Variants in CPT1A observed in about 807,000 individuals in gnomAD.
The protein encoded by CPT1A is carnitine O-palmitoyltransferase 1, liver isoform.
A neutral mutation model predicts 100.8 loss-of-function variants in CPT1A; 64 were observed. The observed-to-expected ratio is 0.63, with a 90% confidence interval of 0.52 to 0.78. The LOEUF (loss-of-function observed/expected upper bound fraction) is 0.78, where lower values mean the gene tolerates loss of function less well. Ranked by LOEUF, CPT1A falls within the 30% of genes least tolerant of loss-of-function variation. CPT1A has a pLI of 0.00. For missense variants in CPT1A, 802 were observed against 1,034.1 expected, an observed-to-expected ratio of 0.78 and a Z score of 3.08; for synonymous variants, 363 against 396.0, an observed-to-expected ratio of 0.92 and a Z score of 0.99.
At chr11:68,836,056 A>G (rs1489468650) in intron 1 of CPT1A, among the ~76,000 whole-genome samples, 1 of 152,236 alleles carries the variant, frequency 6.6e-6, no homozygotes, top group African/African-American at 2.4e-5. Flanking sequence ...ACCCCATGCC[A>G]AATCTCAATG....
chr11:68,777,977 C>A lies in CPT1A; in HGVS notation c.1459-2545G>T, dbSNP rs112186618. ...AGGCTCTCTCAGCTTTTGTCGACATCGCCAAAGAACCCTGGTGGTGGTGAA... is the reference window on the plus strand; with the variant it reads ...AGGCTCTCTCAGCTTTTGTCGACATAGCCAAAGAACCCTGGTGGTGGTGAA... On this transcript the variant is annotated intron_variant, in intron 12 of 18. Coordinates refer to ENST00000265641, the MANE Select transcript of CPT1A (RefSeq NM_001876.4). Among the ~76,000 whole-genome samples, 766 of 152,228 alleles carry A rather than the reference C, an allele frequency of 5.0e-3. 6 individuals are homozygous for A. The highest frequency in any genetic ancestry group is 0.017 in the African/African-American group (726 of 41,540).
At chr11:68,792,962 T>A (rs1855658001) in intron 9 of CPT1A, among the ~76,000 whole-genome samples, 1 of 152,020 alleles carries the variant, frequency 6.6e-6, no homozygotes, top group African/African-American at 2.4e-5. Context: ...ATGGGAGGAT[T>A]CCTTGAGCTC....
At chr11:68,782,015 G>A in intron 10 of CPT1A, 56 bp from the exon 11 acceptor site, 1 of 1,495,844 alleles carries the variant, frequency 6.7e-7, no homozygotes, top group Non-Finnish European at 9.3e-7. Flanking sequence ...GATGGAGCGT[G>A]ATGTTTGAAA....
Position 68,817,002 on chromosome 11 carries a change from G to A in CPT1A, c.-13-1515C>T, listed in dbSNP as rs1370660029. Among the ~76,000 whole-genome samples the A allele has an allele frequency of 5.0e-4, 54 of 107,408 alleles. 4 individuals carry two copies. The allele number at this position is 107,408 out of a possible 152,430, so 70.5% of individuals were successfully genotyped here. A position where few individuals can be genotyped will look rare whatever the true frequency, so the allele number is the denominator to read the frequency against. ...GGGGGGGTGCGTGGGTGTGTGTGTG[G>A]TATGTGTGGGGGGTGGGTGTGTGTG... On this transcript the variant is annotated intron_variant, in intron 1 of 18. Transcript: ENST00000265641.
rs1946768081 is a variant in CPT1A at position 68,759,808 on chromosome 11, A to G, written c.2143-147T>C. Reference sequence around the variant, plus strand: ...TTTGGGAGGCTGAGGCAGGCGGGTCACTTGAGCCCAGGGGTTCGAGACCAG... The same window carrying G: ...TTTGGGAGGCTGAGGCAGGCGGGTCGCTTGAGCCCAGGGGTTCGAGACCAG... On this transcript the variant is annotated intron_variant, in intron 17 of 18. Coordinates refer to ENST00000265641, the MANE Select transcript of CPT1A (RefSeq NM_001876.4). The G allele has an allele frequency of 4.2e-6, 3 of 708,796 alleles. No homozygotes were observed. In the Admixed American group the frequency reaches 6.1e-5, roughly 15 times the overall value. The allele number at this position is 708,796 out of a possible 1,614,324, so 43.9% of individuals were successfully genotyped here.
At chr11:68,823,908 C>T (rs752860257) in intron 1 of CPT1A, among the ~76,000 whole-genome samples, 10 of 152,084 alleles carry the variant, frequency 6.6e-5, no homozygotes, top group Non-Finnish European at 1.5e-4. Flanking sequence ...CGCATGTTCT[C>T]ACCTATAAGT....
intron 10 of CPT1A, among the ~76,000 whole-genome samples, chr11:68,783,005 T>G (rs1040053591): frequency 7.2e-5 from 11 of 152,130 alleles, no homozygotes; most frequent in Non-Finnish European, 1.3e-4. Context: ...CCGCTGGGGA[T>G]TCCAGGCTCT....
At chr11:68,773,524 T>C in intron 13 of CPT1A, 95 bp from the exon 14 acceptor site, 1 of 1,587,372 alleles carries the variant, frequency 6.3e-7, no homozygotes, top group Non-Finnish European at 8.6e-7. Flanking sequence ...TTAGTGCAGC[T>C]ATAAACTCGG....
chr11:68,813,934 C>T (rs1397783361), intron 2 of CPT1A, among the ~76,000 whole-genome samples: 2 of 152,210 alleles, frequency 1.3e-5, no homozygotes, highest in African/African-American at 2.4e-5. Flanking sequence ...TGCAGCTGTA[C>T]TGGCTCCCAG....
chr11:68,843,934 A>G (rs965427419), upstream of CPT1A, among the ~76,000 whole-genome samples: 1 of 152,126 alleles, frequency 6.6e-6, no homozygotes, highest in African/African-American at 2.4e-5. This position sits in a 1 kb window ranked among gnomAD's most constrained non-coding sequence, Gnocchi z 4.0. Context: ...AACCTCAGCC[A>G]CCGACAGGTC....
In CPT1A at chr11:68,757,762, T is replaced by C. The variant is rs1401305087; in HGVS notation, c.2236-32A>G. ...TGTAAAAACAAAAACCAAAAACCTA[T>C]TAAAACGTGGCCATCCCCACATTTC... On this transcript the variant is annotated intron_variant, in intron 18 of 18. Transcript: ENST00000265641. 4 of 1,587,336 alleles carry C rather than the reference T, an allele frequency of 2.5e-6. No homozygotes were observed. In the South Asian group the frequency reaches 4.4e-5, roughly 18 times the overall value.
intron 4 of CPT1A, among the ~76,000 whole-genome samples, chr11:68,807,233 A>C (rs1856069127): frequency 6.6e-6 from 1 of 152,122 alleles, no homozygotes. Context: ...AACCGAGCAG[A>C]CCTCAATATA....
At chr11:68,784,466 G>A (rs1310418519) in intron 10 of CPT1A, among the ~76,000 whole-genome samples, 8 of 152,160 alleles carry the variant, frequency 5.3e-5, no homozygotes, top group African/African-American at 9.7e-5. Context: ...CCTGGGAGGC[G>A]GAGGTTGCTG....
chr11:68,789,556 C>T (rs919436565), intron 9 of CPT1A, among the ~76,000 whole-genome samples: 4 of 152,118 alleles, frequency 2.6e-5, no homozygotes, highest in African/African-American at 9.7e-5. Context: ...GCTATCACGC[C>T]TGGTTAATTT....
chr11:68,806,576 C>T (rs970745847), intron 4 of CPT1A, among the ~76,000 whole-genome samples: 6 of 150,046 alleles, frequency 4.0e-5, no homozygotes, highest in Non-Finnish European at 7.4e-5. Flanking sequence ...TGCAGTGAGC[C>T]GTGATGGTGC....
At chr11:68,781,071 T>C (rs1855297732) in intron 11 of CPT1A, among the ~76,000 whole-genome samples, 1 of 152,134 alleles carries the variant, frequency 6.6e-6, no homozygotes, top group Non-Finnish European at 1.5e-5. Context: ...AATCCTTGGC[T>C]CCACCCTGCA....
At chr11:68,776,445 A>G (rs539981121) in intron 12 of CPT1A, among the ~76,000 whole-genome samples, 1 of 152,352 alleles carries the variant, frequency 6.6e-6, no homozygotes, top group South Asian at 2.1e-4. Context: ...AAGAAGCCAG[A>G]CATAGAAGAC....
chr11:68,839,510 C>T (rs2154003209), intron 1 of CPT1A: 2 of 985,498 alleles, frequency 2.0e-6, no homozygotes, highest in Non-Finnish European at 2.4e-6. Context: ...TGGCGCGCGT[C>T]CCTGTGGCCA....
At chr11:68,770,341 G>A (rs565978987) in intron 14 of CPT1A, among the ~76,000 whole-genome samples, 16 of 152,256 alleles carry the variant, frequency 1.1e-4, no homozygotes, top group African/African-American at 2.2e-4. Flanking sequence ...GCGCTGGGCC[G>A]GCTCACTGGG....
Sources: allele counts gnomAD v4.1 joint callset (sites outside exome capture counted in the v4.1 genomes callset), GRCh38; gene constraint gnomAD v4.1.1; non-coding constraint Gnocchi (gnomAD v3.1); transcripts MANE v1.5; gene names NCBI Gene and HGNC (gene_info 2026-07-23, HGNC 2026-07-21).